Variants in KIF26B observed in about 807,000 individuals in gnomAD.
The protein encoded by KIF26B is kinesin-like protein KIF26B.
KIF26B carries 63 observed loss-of-function variants against 151.2 expected under a neutral mutation model. The observed-to-expected ratio is 0.42, with a 90% CI of 0.34 to 0.51. KIF26B has a LOEUF of 0.51. Ranked by LOEUF, KIF26B falls within the 20% of genes least tolerant of loss-of-function variation. The pLI is 0.07. For missense variants in KIF26B, 2,813 were observed against 2,913.6 expected (o/e 0.97, Z 0.79); for synonymous variants, 1,357 against 1,262.1 (o/e 1.08, Z -1.59).
Position 245,688,795 on chromosome 1 carries a change from C to A in KIF26B, c.5812C>A (p.Arg1938Ser), listed in dbSNP as rs772474950. The change falls in exon 12 of 15, where the codon CGC (arginine) becomes AGC (serine). Residue 1938 changes from arginine (R) to serine (S), a missense_variant. This residue lies in a region of KIF26B where 2,060 missense variants were observed against 2,088.6 expected (regional missense o/e 0.99). Transcript: ENST00000407071. ...RCRSLKTPKK[R>S]SNPGSQRRRL... is the part of the protein sequence containing the mutation. ...CCGGAGCCTCAAGACCCCGAAGAAA[C>A]GCTCCAATCCAGGTAGGCGGCTGGG... The A allele has an allele frequency of 6.3e-7, 1 of 1,579,362 alleles. No individual in the cohort carries two copies. The highest frequency in any genetic ancestry group is 8.6e-7 in the Non-Finnish European group (1 of 1,159,526).
At chr1:245,634,245 T>TTA (rs2043811448) in intron 9 of KIF26B, among the ~76,000 whole-genome samples, 1 of 152,244 alleles carries the variant, frequency 6.6e-6, no homozygotes, top group African/African-American at 2.4e-5. Context: ...ATTGCATCCA[T>TTA]TAGATTTTTC....
intron 2 of KIF26B, among the ~76,000 whole-genome samples, chr1:245,200,559 G>A (rs1669279411): frequency 6.6e-6 from 1 of 152,132 alleles, no homozygotes; most frequent in Non-Finnish European, 1.5e-5. Context: ...TCCCAATTCT[G>A]TATCTCTTTC....
chr1:245,542,822 G>A (rs1661654999), intron 5 of KIF26B, among the ~76,000 whole-genome samples: 1 of 152,222 alleles, frequency 6.6e-6, no homozygotes, highest in Non-Finnish European at 1.5e-5. Flanking sequence ...GTTTTGCAAA[G>A]AGGGATTTGG....
rs1268488425 is a variant in KIF26B, at chr1:245,405,263, G to A, written c.1000-14316G>A. ...ATCAGCCTCATGGAGTAAGGGATCC[G>A]AACCTCCAAAGGGAATAGGCAGAAG... On this transcript the variant is annotated intron_variant, in intron 3 of 14. Coordinates refer to ENST00000407071, the MANE Select transcript of KIF26B (RefSeq NM_018012.4). Among the ~76,000 whole-genome samples, 7 of 152,176 alleles carry A rather than the reference G, an allele frequency of 4.6e-5. No homozygotes were observed. The South Asian group carries it at 8.3e-4, about 18-fold the overall frequency.
At chr1:245,282,379 G>A (rs181850605) in intron 2 of KIF26B, among the ~76,000 whole-genome samples, 4 of 152,268 alleles carry the variant, frequency 2.6e-5, no homozygotes, top group Middle Eastern at 3.4e-3. Flanking sequence ...AAAGTTTCTC[G>A]TAAAGCCCAG....
chr1:245,210,289 G>A (rs1446419331), intron 2 of KIF26B, among the ~76,000 whole-genome samples: 1 of 152,182 alleles, frequency 6.6e-6, no homozygotes, highest in Non-Finnish European at 1.5e-5. Context: ...CTGCCTAGGT[G>A]GCACCATGGG....
intron 2 of KIF26B, among the ~76,000 whole-genome samples, chr1:245,258,626 G>A (rs113892987): frequency 0.022 from 3,313 of 152,218 alleles, 94 homozygotes; most frequent in African/African-American, 0.074. Flanking sequence ...CCTGCTCTGC[G>A]TGGAGCTGTG....
chr1:245,155,375 G>T lies in KIF26B; in HGVS notation c.-50G>T. ...ACGCTTCTGGGTTGGAGGACCTTCT[G>T]GATGTAGCGTCGGTGGAACCTTTAG... On this transcript the variant is annotated 5_prime_UTR_variant, in exon 1 of 15. Transcript: ENST00000407071. 6.7e-7 allele frequency: 1 copy of T among 1,488,306 alleles called. No individual in the cohort carries two copies. Among genetic ancestry groups the T allele is most frequent in the South Asian group, 1.2e-5 (1 of 83,984 alleles). 92.2% of individuals were successfully genotyped at this position (1,488,306 alleles called of 1,614,324 possible). A position where few individuals can be genotyped will look rare whatever the true frequency, so the allele number is the denominator to read the frequency against.
At chr1:245,610,628 A>G (rs1484012769) in intron 8 of KIF26B, among the ~76,000 whole-genome samples, 2 of 152,322 alleles carry the variant, frequency 1.3e-5, no homozygotes, top group East Asian at 3.9e-4. Context: ...TAGACATTCA[A>G]ATATGCTTTC....
intron 3 of KIF26B, among the ~76,000 whole-genome samples, chr1:245,378,748 T>C (rs1673334210): frequency 6.6e-6 from 1 of 152,174 alleles, no homozygotes; most frequent in African/African-American, 2.4e-5. Flanking sequence ...TATCCAAATC[T>C]CACACAATGA....
At chr1:245,258,894 T>C (rs1200011894) in intron 2 of KIF26B, among the ~76,000 whole-genome samples, 1 of 152,200 alleles carries the variant, frequency 6.6e-6, no homozygotes, top group Non-Finnish European at 1.5e-5. Flanking sequence ...TTCCCATGCG[T>C]GAGCCCTCTG....
chr1:245,191,059 C>CAAAAAAAAA (rs55993346), intron 2 of KIF26B, among the ~76,000 whole-genome samples: 1 of 52,054 alleles, frequency 1.9e-5, no homozygotes, highest in Non-Finnish European at 3.1e-5. Context: ...GACTCTGTCT[C>CAAAAAAAAA]AAAAAAAAAA....
At chr1:245,508,319 C>A (rs1429291964) in intron 4 of KIF26B, among the ~76,000 whole-genome samples, 1 of 152,190 alleles carries the variant, frequency 6.6e-6, no homozygotes, top group African/African-American at 2.4e-5. Context: ...CGGCTCACTG[C>A]AAGCTCCGCC....
rs773203806 is a variant in KIF26B, at chr1:245,688,659, C to G, written c.5676C>G (p.Ser1892Arg). Residue 1892 changes from serine to arginine, a missense_variant, in exon 12 of 15, where the codon AGC becomes AGG. Transcript: ENST00000407071. ...GGAAGACGGCCCTGTTCTACCACAG[C>G]GGCGGCAGCAGCGGCTACGAGAGCG... ...AMGKTALFYH[S>R]GGSSGYESVM... 3 of 1,603,832 alleles carry G rather than the reference C, an allele frequency of 1.9e-6. No homozygotes were observed. The highest frequency in any genetic ancestry group is 1.3e-5 in the African/African-American group (1 of 74,908).
Position 245,708,886 on chromosome 1 carries a change from T to C in KIF26B, c.*6280T>C, listed in dbSNP as rs922142521. The stretch of plus-strand genomic sequence containing the variant: ...CCATTTGAAAAGTGGAGACAAGGTC[T>C]GCCCAGGTGCATTTATTGTGCCAGA... On this transcript the variant is annotated 3_prime_UTR_variant, in exon 15 of 15. Coordinates refer to ENST00000407071, the MANE Select transcript of KIF26B (RefSeq NM_018012.4). The C allele has an allele frequency of 6.6e-6, 1 of 152,262 alleles. No homozygotes were observed. Among genetic ancestry groups the C allele is most frequent in the African/African-American group, 2.4e-5 (1 of 41,468 alleles). The allele number at this position is 152,262 out of a possible 1,614,324, so 9.4% of individuals were successfully genotyped here. A position where few individuals can be genotyped will look rare whatever the true frequency, so the allele number is the denominator to read the frequency against.
intron 2 of KIF26B, among the ~76,000 whole-genome samples, chr1:245,345,000 G>A (rs1477614417): frequency 6.6e-6 from 1 of 152,042 alleles, no homozygotes; most frequent in Non-Finnish European, 1.5e-5. Context: ...GAGATGGAGG[G>A]TTCCATGGTA....
chr1:245,338,445 G>T (rs1024867527), intron 2 of KIF26B, among the ~76,000 whole-genome samples: 1 of 152,208 alleles, frequency 6.6e-6, no homozygotes, highest in African/African-American at 2.4e-5. Context: ...ATACTTAATG[G>T]TTATTTATAG....
chr1:245,594,010 G>T (rs2043316521), intron 5 of KIF26B, among the ~76,000 whole-genome samples: 1 of 152,066 alleles, frequency 6.6e-6, no homozygotes. Context: ...CCCGCTTTTT[G>T]ATGGGTTTGT....
intron 5 of KIF26B, among the ~76,000 whole-genome samples, chr1:245,573,009 C>A (rs1045506471): frequency 1.3e-5 from 2 of 152,124 alleles, no homozygotes; most frequent in Admixed American, 6.5e-5. Context: ...TGCCCAGAAC[C>A]TGAGGAAGAA....
Sources: gnomAD v4.1 joint callset for allele counts (sites outside exome capture counted in the v4.1 genomes callset) on GRCh38, gnomAD v4.1.1 for gene constraint, gnomAD v4.1.1 regional missense constraint, MANE v1.5 for transcripts, NCBI Gene and HGNC (gene_info 2026-07-23, HGNC 2026-07-21) for gene names.